HIP1: variants seen among roughly 807,000 people sequenced by gnomAD.
The protein encoded by HIP1 is huntingtin-interacting protein 1.
A neutral mutation model predicts 147.6 loss-of-function variants in HIP1; 65 were observed. The ratio of observed to expected loss-of-function variants is 0.44; its 90% CI spans 0.36 to 0.54. The LOEUF is 0.54. Ranked by LOEUF, HIP1 falls within the 20% of genes least tolerant of loss-of-function variation. The pLI, the probability that HIP1 is intolerant of heterozygous loss-of-function variation, is 0.00. For synonymous variants in HIP1, 479 were observed against 504.0 expected, an observed-to-expected ratio of 0.95 and a Z score of 0.67; for missense variants, 1,061 against 1,299.6, an observed-to-expected ratio of 0.82 and a Z score of 2.82.
chr7:75,538,637 C>T (rs1005647921), intron 30 of HIP1, among the ~76,000 whole-genome samples: 6 of 146,230 alleles, frequency 4.1e-5, no homozygotes, highest in Admixed American at 2.1e-4. Context: ...TGCAGTGGCG[C>T]GATCTCGGCT....
At chr7:75,562,273 A>G (rs994078345) in intron 11 of HIP1, 103 bp from the exon 12 acceptor site, 16 of 791,954 alleles carry the variant, frequency 2.0e-5, no homozygotes, top group Admixed American at 7.5e-5. Context: ...CTCGAATTAA[A>G]CGGTTCAGAC....
intron 1 of HIP1, among the ~76,000 whole-genome samples, chr7:75,722,344 A>G (rs1217551988): frequency 1.3e-5 from 2 of 152,172 alleles, no homozygotes; most frequent in Non-Finnish European, 2.9e-5. Flanking sequence ...TAATAACTGC[A>G]CTTTCACAGA....
rs782415320 is a variant in HIP1, at chr7:75,541,911, G to A, written c.2952+8C>T. 1.9e-6 allele frequency: 3 copies of A among 1,598,488 alleles called. No homozygotes were observed. Among genetic ancestry groups the A allele is most frequent in the South Asian group, 2.2e-5 (2 of 90,760 alleles). On this transcript the variant is annotated splice_region_variant and intron_variant, in intron 29 of 30. Coordinates refer to ENST00000336926, the MANE Select transcript of HIP1 (RefSeq NM_005338.7). ...GAGGCTATCTAGACTTACAGATGGAGCTCTCACCTGAGAATCCATCTCTTG... is the reference window on the plus strand; with the variant it reads ...GAGGCTATCTAGACTTACAGATGGAACTCTCACCTGAGAATCCATCTCTTG...
chr7:75,664,562 A>ATATATGTG (rs1413768794), intron 1 of HIP1, among the ~76,000 whole-genome samples: 1 of 150,546 alleles, frequency 6.6e-6, no homozygotes, highest in Non-Finnish European at 1.5e-5. Flanking sequence ...ATGTATGTGT[A>ATATATGTG]TGTATACGTA....
chr7:75,726,169 A>G (rs1801644462), intron 1 of HIP1, among the ~76,000 whole-genome samples: 2 of 152,098 alleles, frequency 1.3e-5, no homozygotes, highest in South Asian at 4.1e-4. Flanking sequence ...TTGGATATAT[A>G]ACTAGCAGTG....
At chr7:75,592,236 C>A in intron 3 of HIP1, 124 bp from the exon 4 acceptor site, 7 of 1,389,794 alleles carry the variant, frequency 5.0e-6, no homozygotes, top group Non-Finnish European at 7.1e-6. Flanking sequence ...GGGAGACTCA[C>A]CCAACTCTAA....
chr7:75,647,211 CAAAAAAAAAAAAAAAAAAAAAAAAA>C (rs60972195), intron 1 of HIP1, among the ~76,000 whole-genome samples: 1 of 57,992 alleles, frequency 1.7e-5, no homozygotes, highest in Non-Finnish European at 3.0e-5. Flanking sequence ...ACTAAAAATA[CAAAAAAAAAAAAAAAAAAAAAAAAA>C]AAAAAAAAAA....
intron 1 of HIP1, among the ~76,000 whole-genome samples, chr7:75,616,670 A>G (rs914869574): frequency 6.6e-6 from 1 of 152,148 alleles, no homozygotes; most frequent in Non-Finnish European, 1.5e-5. Flanking sequence ...CCACAAAGCC[A>G]AAAACATTTA....
chr7:75,714,103 C>A (rs1554520354), intron 1 of HIP1, among the ~76,000 whole-genome samples: 1 of 145,924 alleles, frequency 6.9e-6, no homozygotes, highest in East Asian at 2.1e-4. Context: ...GCAGTGGCGC[C>A]ATCTTGGCTC....
chr7:75,604,319 T>C (rs1797134269), intron 1 of HIP1, among the ~76,000 whole-genome samples: 1 of 152,134 alleles, frequency 6.6e-6, no homozygotes, highest in African/African-American at 2.4e-5. Flanking sequence ...TCCAGGGGGT[T>C]TGGGAAGGCC....
chr7:75,725,558 T>C (rs1048466187), intron 1 of HIP1, among the ~76,000 whole-genome samples: 1 of 152,172 alleles, frequency 6.6e-6, no homozygotes, highest in Non-Finnish European at 1.5e-5. Flanking sequence ...ACAGTTTTAC[T>C]ATCTAAGCAA....
chr7:75,551,638 C>T (rs587740260), intron 22 of HIP1, among the ~76,000 whole-genome samples: 4 of 152,216 alleles, frequency 2.6e-5, no homozygotes, highest in Admixed American at 6.5e-5. Flanking sequence ...GCAGAGTACA[C>T]GGTTCACTGC....
intron 8 of HIP1, among the ~76,000 whole-genome samples, chr7:75,571,078 T>C (rs587658772): frequency 3.9e-5 from 6 of 152,178 alleles, no homozygotes; most frequent in Non-Finnish European, 7.4e-5. Flanking sequence ...CTCCTACCCC[T>C]TCCTCAGCCC....
At chr7:75,737,507 GC>G (rs1306153364) in intron 1 of HIP1, among the ~76,000 whole-genome samples, 4 of 152,016 alleles carry the variant, frequency 2.6e-5, no homozygotes, top group South Asian at 2.1e-4. Context: ...ACCACGCCCA[GC>G]TAATTTTTTG....
At position 75,553,480 on chromosome 7, in the gene HIP1, G is replaced by A. The variant is rs868990189; in HGVS notation, c.2268C>T (p.Cys756=). 1 of 1,614,120 alleles carries A rather than the reference G, an allele frequency of 6.2e-7. No homozygotes were observed. The highest frequency in any genetic ancestry group is 1.6e-4 in the Middle Eastern group (1 of 6,062). ...ENADSTAMRN[C]LSKIKAIGEE... ...CGCCGATGGCCTTGATCTTGCTCAG[G>A]CAGTTCCTCATGGCTGTGCTGTCGG... Residue 756 remains cysteine (C), a synonymous_variant, in exon 22 of 31, where the codon TGC becomes TGT. Coordinates refer to ENST00000336926, the MANE Select transcript of HIP1 (RefSeq NM_005338.7).
chr7:75,562,520 T>C (rs909396794), intron 11 of HIP1, among the ~76,000 whole-genome samples: 3 of 152,112 alleles, frequency 2.0e-5, no homozygotes, highest in Non-Finnish European at 2.9e-5. Flanking sequence ...TTGCCTAGGC[T>C]GGAGTGCAGT....
intron 1 of HIP1, among the ~76,000 whole-genome samples, chr7:75,641,193 C>T (rs1554510433): frequency 6.6e-6 from 1 of 152,024 alleles, no homozygotes; most frequent in African/African-American, 2.4e-5. Flanking sequence ...GCAATCCCAG[C>T]CACTCGATAG....
At chr7:75,640,130 T>C (rs959548372) in intron 1 of HIP1, among the ~76,000 whole-genome samples, 4 of 152,228 alleles carry the variant, frequency 2.6e-5, no homozygotes, top group African/African-American at 9.6e-5. Context: ...AAATGCTCCT[T>C]TGGGGCAAGT....
At chr7:75,598,402 A>G (rs1796836351) in intron 2 of HIP1, among the ~76,000 whole-genome samples, 4 of 121,722 alleles carry the variant, frequency 3.3e-5, no homozygotes, top group Non-Finnish European at 1.8e-5. Flanking sequence ...GTCTCAAAAA[A>G]GAAAAAAAAA....
Sources: gnomAD v4.1 joint callset for allele counts (sites outside exome capture counted in the v4.1 genomes callset) on GRCh38, gnomAD v4.1.1 for gene constraint, MANE v1.5 for transcripts, NCBI Gene and HGNC (gene_info 2026-07-23, HGNC 2026-07-21) for gene names.